Variants in SNTG1 observed in about 807,000 individuals in gnomAD.
The protein encoded by SNTG1 is syntrophin gamma 1, also known as gamma-1-syntrophin.
In SNTG1, 39 loss-of-function variants were observed where a neutral mutation model predicts 74.7. The ratio of observed to expected loss-of-function variants is 0.52; its 90% confidence interval spans 0.40 to 0.68. SNTG1 has a LOEUF of 0.68. SNTG1 is among the 30% of genes least tolerant of loss of function. SNTG1 has a pLI of 0.00. For missense variants in SNTG1, 685 were observed against 609.5 expected (o/e 1.12, Z -1.30); for synonymous variants, 254 against 217.1 (o/e 1.17, Z -1.49).
chr8:50,169,326 ATAT>A (rs1379415887), intron 1 of SNTG1, among the ~76,000 whole-genome samples: 3 of 152,246 alleles, frequency 2.0e-5, no homozygotes, highest in Non-Finnish European at 4.4e-5. Context: ...ATGTATACTC[ATAT>A]TTCACACTTA....
At chr8:50,338,532 A>G (rs2091223711) in intron 2 of SNTG1, among the ~76,000 whole-genome samples, 1 of 152,254 alleles carries the variant, frequency 6.6e-6, no homozygotes, top group African/African-American at 2.4e-5. Flanking sequence ...AATAAAGTTG[A>G]CAGCATGCAA....
chr8:50,372,882 C>A (rs1217344691), intron 2 of SNTG1, among the ~76,000 whole-genome samples: 3 of 152,060 alleles, frequency 2.0e-5, no homozygotes, highest in Admixed American at 2.0e-4. Context: ...AATAACCTCA[C>A]CATTTTGAAC....
rs150631222 is a variant in SNTG1 at position 50,027,680 on chromosome 8, C to T, written c.-103+115449C>T. Among the ~76,000 whole-genome samples the T allele has an allele frequency of 3.3e-3, 508 of 152,278 alleles. 2 individuals are homozygous for T. The highest frequency in any genetic ancestry group is 0.012 in the African/African-American group (493 of 41,574). On this transcript the variant is annotated intron_variant, in intron 1 of 18. Coordinates refer to ENST00000642720, the MANE Select transcript of SNTG1 (RefSeq NM_018967.5). ...GCCTTGATTCTAGACTTTTAGCCTTCCTTACTGTGGAAGAATAACTTTCTG... is the reference window on the plus strand; with the variant it reads ...GCCTTGATTCTAGACTTTTAGCCTTTCTTACTGTGGAAGAATAACTTTCTG...
chr8:50,060,011 C>T (rs754577106), intron 1 of SNTG1, among the ~76,000 whole-genome samples: 3 of 152,070 alleles, frequency 2.0e-5, no homozygotes, highest in Non-Finnish European at 4.4e-5. Context: ...CCAACACTTG[C>T]TATTTTCTGT....
chr8:49,928,283 A>AGT (rs1807228368), intron 1 of SNTG1, among the ~76,000 whole-genome samples: 1 of 150,970 alleles, frequency 6.6e-6, no homozygotes, highest in Non-Finnish European at 1.5e-5. Context: ...ACTGGAGTGC[A>AGT]GTGGTGTGAT....
chr8:50,089,771 G>A (rs2079645509), intron 1 of SNTG1, among the ~76,000 whole-genome samples: 1 of 152,108 alleles, frequency 6.6e-6, no homozygotes, highest in Non-Finnish European at 1.5e-5. Context: ...GTGCTGGAGA[G>A]GATGTGGAGA....
At chr8:50,154,034 G>A (rs551223915) in intron 1 of SNTG1, among the ~76,000 whole-genome samples, 9 of 152,206 alleles carry the variant, frequency 5.9e-5, no homozygotes, top group Admixed American at 1.3e-4. Context: ...GCCTCCTTGA[G>A]CTGAGGTGGG....
At chr8:49,924,164 C>T (rs949089036) in intron 1 of SNTG1, among the ~76,000 whole-genome samples, 11 of 152,170 alleles carry the variant, frequency 7.2e-5, no homozygotes, top group African/African-American at 2.6e-4. Context: ...GCTGAAAACT[C>T]TTAAATTTCA....
intron 15 of SNTG1, among the ~76,000 whole-genome samples, chr8:50,692,162 CA>C (rs999757022): frequency 2.6e-5 from 4 of 151,940 alleles, no homozygotes; most frequent in Non-Finnish European, 5.9e-5. Context: ...AATTTTTTTT[CA>C]AAGCTTTTAA....
intron 8 of SNTG1, among the ~76,000 whole-genome samples, chr8:50,496,605 T>C (rs2093906756): frequency 6.6e-6 from 1 of 152,192 alleles, no homozygotes; most frequent in South Asian, 2.1e-4. Context: ...TGAATGGAAC[T>C]TAAGAGCTTT....
intron 2 of SNTG1, among the ~76,000 whole-genome samples, chr8:50,298,665 A>G (rs1159518906): frequency 6.6e-6 from 1 of 152,164 alleles, no homozygotes; most frequent in African/African-American, 2.4e-5. Flanking sequence ...AACAAGCTTC[A>G]ATTCAATTTT....
intron 1 of SNTG1, among the ~76,000 whole-genome samples, chr8:49,998,844 G>A (rs1814484356): frequency 6.6e-6 from 1 of 152,106 alleles, no homozygotes; most frequent in South Asian, 2.1e-4. Context: ...GATAGATAAT[G>A]ATAAAAATTG....
intron 13 of SNTG1, among the ~76,000 whole-genome samples, chr8:50,649,603 C>T (rs1477495898): frequency 2.0e-5 from 3 of 152,138 alleles, no homozygotes; most frequent in African/African-American, 7.2e-5. Flanking sequence ...ATTGTAGCCT[C>T]TTTGGAAGAT....
chr8:50,361,994 C>T (rs1178694570), intron 2 of SNTG1, among the ~76,000 whole-genome samples: 1 of 152,144 alleles, frequency 6.6e-6, no homozygotes, highest in Non-Finnish European at 1.5e-5. Context: ...CTAGAAGTGG[C>T]AATGGATGAG....
At chr8:50,728,319 C>T (rs937717351) in intron 17 of SNTG1, among the ~76,000 whole-genome samples, 2 of 152,170 alleles carry the variant, frequency 1.3e-5, no homozygotes, top group African/African-American at 2.4e-5. Context: ...GAGGGCACCA[C>T]TAGGTGTCTT....
At chr8:50,744,445 TC>T (rs1441887776) in intron 17 of SNTG1, among the ~76,000 whole-genome samples, 1 of 151,836 alleles carries the variant, frequency 6.6e-6, no homozygotes, top group Non-Finnish European at 1.5e-5. Flanking sequence ...AGAAACAACA[TC>T]CTGTGTTTAT....
chr8:50,442,460 T>C (rs1267455573), intron 5 of SNTG1, among the ~76,000 whole-genome samples: 1 of 152,042 alleles, frequency 6.6e-6, no homozygotes, highest in Non-Finnish European at 1.5e-5. Flanking sequence ...CCTGGCTCAC[T>C]CCTGCTCCCA....
chr8:50,371,448 C>A (rs1441244924), intron 2 of SNTG1, among the ~76,000 whole-genome samples: 1 of 152,166 alleles, frequency 6.6e-6, no homozygotes, highest in African/African-American at 2.4e-5. Flanking sequence ...CTGCCAAGTT[C>A]ACTGTGATCA....
intron 1 of SNTG1, among the ~76,000 whole-genome samples, chr8:50,067,584 T>G (rs1820999250): frequency 2.0e-5 from 3 of 152,368 alleles, no homozygotes; most frequent in Admixed American, 6.5e-5. Context: ...ATCTGTAAGT[T>G]GCTTTCTTTT....
Sources: gnomAD v4.1 joint callset for allele counts (sites outside exome capture counted in the v4.1 genomes callset) on GRCh38, gnomAD v4.1.1 for gene constraint, MANE v1.5 for transcripts, NCBI Gene and HGNC (gene_info 2026-07-23, HGNC 2026-07-21) for gene names.